Variants in WWP1 observed in about 807,000 individuals in gnomAD.
The protein encoded by WWP1 is WW domain containing E3 ubiquitin protein ligase 1.
A neutral mutation model predicts 130.6 loss-of-function variants in WWP1; 49 were observed. The ratio of observed to expected loss-of-function variants is 0.38; its 90% CI spans 0.30 to 0.48. WWP1 has a LOEUF of 0.48. Among genes scored for constraint, WWP1 ranks in the 20% least tolerant of loss-of-function variants. The pLI is 0.99. For synonymous variants in WWP1, 332 were observed against 367.8 expected (o/e 0.90, Z 1.11); for missense variants, 809 against 1,100.6 (o/e 0.74, Z 3.75).
chr8:86,466,255 A>G (rs1812117576), intron 24 of WWP1, among the ~76,000 whole-genome samples: 1 of 152,216 alleles, frequency 6.6e-6, no homozygotes, highest in South Asian at 2.1e-4. Context: ...AAGATTGAAA[A>G]AGTGTCATTT....
chr8:86,411,624 C>T lies in WWP1; in HGVS notation c.811C>T (p.Pro271Ser). The T allele has an allele frequency of 6.2e-7, 1 of 1,614,152 alleles. No homozygotes were observed. The highest frequency in any genetic ancestry group is 8.5e-7 in the Non-Finnish European group (1 of 1,180,018). Residue 271 changes from proline (P) to serine (S), a missense_variant, in exon 9 of 25, where the codon CCA becomes TCA. By Grantham distance (74) the Pro-to-Ser change is moderately conservative. Around this residue, in one of 3 missense-constraint regions of WWP1, gnomAD observed 262 missense variants for 346.0 expected, o/e 0.76. Coordinates refer to ENST00000517970, the MANE Select transcript of WWP1 (RefSeq NM_007013.4). ...PVVSEENALS[P>S]NCTSTTVEDP... ...AGTGTCTGAAGAAAATGCCTTGTCT[C>T]CAAATTGCACTAGTACTACTGTTGA...
intron 1 of WWP1, among the ~76,000 whole-genome samples, chr8:86,361,750 T>C (rs1475539679): frequency 6.6e-6 from 1 of 152,028 alleles, no homozygotes; most frequent in African/African-American, 2.4e-5. Context: ...CAGAATTCTT[T>C]CCTGACAACT....
intron 5 of WWP1, among the ~76,000 whole-genome samples, chr8:86,391,109 A>G (rs1415713791): frequency 6.6e-6 from 1 of 152,144 alleles, no homozygotes; most frequent in Non-Finnish European, 1.5e-5. Context: ...GACTCTCCTA[A>G]CATAAATTAT....
intron 5 of WWP1, among the ~76,000 whole-genome samples, chr8:86,382,319 G>C (rs1300581173): frequency 6.6e-6 from 1 of 152,146 alleles, no homozygotes; most frequent in Non-Finnish European, 1.5e-5. Context: ...AAAAATATGG[G>C]GGTATGTACA....
intron 21 of WWP1, among the ~76,000 whole-genome samples, chr8:86,455,663 T>C (rs186229676): frequency 3.3e-5 from 5 of 151,996 alleles, no homozygotes; most frequent in Admixed American, 3.3e-4. Context: ...AAGACCTAAA[T>C]AAATGAAGAG....
chr8:86,446,676 C>T (rs1810900303), intron 18 of WWP1, among the ~76,000 whole-genome samples: 1 of 152,130 alleles, frequency 6.6e-6, no homozygotes, highest in Non-Finnish European at 1.5e-5. Context: ...TTTCATTCTT[C>T]TGTATGAAGA....
intron 24 of WWP1, among the ~76,000 whole-genome samples, chr8:86,466,552 T>TAA (rs777645430): frequency 2.0e-5 from 3 of 149,036 alleles, no homozygotes; most frequent in Non-Finnish European, 4.4e-5. Context: ...TTTTTTTTTT[T>TAA]AAATTTGTCT....
intron 24 of WWP1, 79 bp from the exon 25 acceptor site, chr8:86,466,714 TC>T: frequency 1.0e-6 from 1 of 993,520 alleles, no homozygotes; most frequent in South Asian, 1.7e-5. Context: ...ATTCAGCATT[TC>T]TATGTGCTTT....
intron 1 of WWP1, among the ~76,000 whole-genome samples, chr8:86,355,905 G>A (rs548816648): frequency 2.6e-4 from 40 of 152,266 alleles, no homozygotes; most frequent in African/African-American, 9.1e-4. Flanking sequence ...TCTGCAGTGC[G>A]TATGTAGTGA....
At chr8:86,394,922 G>A (rs1252683337) in intron 5 of WWP1, among the ~76,000 whole-genome samples, 11 of 126,300 alleles carry the variant, frequency 8.7e-5, no homozygotes, top group Non-Finnish European at 1.8e-4. Flanking sequence ...AAGGTAGAGG[G>A]CTGTTCTTCT....
chr8:86,460,474 ATC>A (rs898560598), intron 22 of WWP1, among the ~76,000 whole-genome samples: 1 of 152,196 alleles, frequency 6.6e-6, no homozygotes, highest in African/African-American at 2.4e-5. Context: ...GATTCTACCT[ATC>A]TCATAGAATT....
chr8:86,464,122 A>C (rs756859272), intron 24 of WWP1, among the ~76,000 whole-genome samples: 5 of 152,168 alleles, frequency 3.3e-5, no homozygotes, highest in Non-Finnish European at 7.4e-5. Context: ...TTGTATAACA[A>C]AGTACAAAGT....
At chr8:86,427,398 T>TAA (rs369996949) in intron 10 of WWP1, among the ~76,000 whole-genome samples, 7 of 145,488 alleles carry the variant, frequency 4.8e-5, no homozygotes, top group African/African-American at 1.8e-4. Flanking sequence ...AAAGTAAAAT[T>TAA]AAAAAAAAAA....
intron 9 of WWP1, among the ~76,000 whole-genome samples, chr8:86,422,417 C>T (rs948100641): frequency 8.6e-5 from 13 of 151,316 alleles, no homozygotes; most frequent in African/African-American, 1.5e-4. Context: ...GGCTGGAGTG[C>T]GGTGCAATCT....
Position 86,449,042 on chromosome 8 carries a change from A to G in WWP1, c.2273+529A>G, listed in dbSNP as rs187601998. On this transcript the variant is annotated intron_variant, in intron 20 of 24. Coordinates refer to ENST00000517970, the MANE Select transcript of WWP1 (RefSeq NM_007013.4). ...TTTTGTAAAGATAGGGTCTCACTGT[A>G]TTGCCCAGGCTGGTCTCAAACTCTT... Among the ~76,000 whole-genome samples, 163 of 150,908 alleles carry G rather than the reference A, an allele frequency of 1.1e-3. 1 individual carries two copies. Among genetic ancestry groups the G allele is most frequent in the African/African-American group, 3.8e-3 (155 of 41,034 alleles).
chr8:86,412,192 A>G (rs1808623062), intron 9 of WWP1, among the ~76,000 whole-genome samples: 1 of 152,166 alleles, frequency 6.6e-6, no homozygotes, highest in African/African-American at 2.4e-5. Context: ...TAATATCCTC[A>G]GTTCTCTGGC....
intron 5 of WWP1, among the ~76,000 whole-genome samples, chr8:86,394,932 TTAAA>T (rs1191360298): frequency 3.3e-5 from 1 of 30,550 alleles, no homozygotes; most frequent in Non-Finnish European, 9.4e-5. Flanking sequence ...GCTGTTCTTC[TTAAA>T]AAAAAAAAAA....
intron 1 of WWP1, among the ~76,000 whole-genome samples, chr8:86,354,406 T>C (rs1823136959): frequency 6.6e-6 from 1 of 152,170 alleles, no homozygotes; most frequent in Non-Finnish European, 1.5e-5. Context: ...TAGCCACACA[T>C]CAGGTCAGAT....
intron 1 of WWP1, among the ~76,000 whole-genome samples, chr8:86,351,822 C>T (rs966529918): frequency 1.3e-5 from 2 of 152,112 alleles, no homozygotes; most frequent in African/African-American, 2.4e-5. Context: ...TAACAGTCGT[C>T]TGGGATGCTT....
Sources: allele counts gnomAD v4.1 joint callset (sites outside exome capture counted in the v4.1 genomes callset), GRCh38; gene constraint gnomAD v4.1.1; regional missense constraint gnomAD v4.1.1; transcripts MANE v1.5; gene names NCBI Gene and HGNC (gene_info 2026-07-23, HGNC 2026-07-21).